PAMR1: variants seen among roughly 807,000 people sequenced by gnomAD.
PAMR1 encodes the protein inactive serine protease PAMR1.
Under a neutral mutation model 81.8 loss-of-function variants are expected in PAMR1, and 88 were observed. That is an observed-to-expected ratio of 1.08 (90% confidence interval 0.91 to 1.28). PAMR1 has a LOEUF of 1.28. PAMR1 is among the 50% of genes most tolerant of loss of function. The probability of loss-of-function intolerance (pLI) is 0.00; values close to 1 mark genes in which losing one functional copy is unlikely to be tolerated. For synonymous variants in PAMR1, 336 were observed against 345.3 expected (o/e 0.97, Z 0.30); for missense variants, 935 against 919.7 (o/e 1.02, Z -0.21).
At chr11:35,502,968 A>G (rs929527509) in intron 1 of PAMR1, among the ~76,000 whole-genome samples, 1 of 148,310 alleles carries the variant, frequency 6.7e-6, no homozygotes, top group Non-Finnish European at 1.5e-5. Flanking sequence ...GTAGCTTCAT[A>G]GTTTCATGTT....
chr11:35,523,055 C>T lies in PAMR1; in HGVS notation c.73+2458G>A, dbSNP rs114017532. ...TTTCCTGTTGGGGATGCCAGGAGCT[C>T]TCAGATTGTATATTAGGGGAACACC... is the stretch of plus-strand genomic sequence containing the variant. On this transcript the variant is annotated intron_variant, in intron 1 of 10. Transcript: ENST00000619888. Among the ~76,000 whole-genome samples, 1,405 of 152,284 alleles carry T rather than the reference C, an allele frequency of 9.2e-3. 21 individuals carry two copies. The highest frequency in any genetic ancestry group is 0.032 in the African/African-American group (1,335 of 41,546).
chr11:35,461,427 T>C (rs1223780889), intron 6 of PAMR1, among the ~76,000 whole-genome samples: 2 of 151,972 alleles, frequency 1.3e-5, no homozygotes, highest in East Asian at 3.9e-4. Flanking sequence ...AATTCCTGAG[T>C]AGCAAAATAC....
At chr11:35,514,385 C>T (rs1038367709) in intron 1 of PAMR1, among the ~76,000 whole-genome samples, 1 of 152,206 alleles carries the variant, frequency 6.6e-6, no homozygotes, top group African/African-American at 2.4e-5. Flanking sequence ...TATATCATGG[C>T]ATTGTGGGCT....
chr11:35,503,089 G>T (rs1452876497), intron 1 of PAMR1, among the ~76,000 whole-genome samples: 2 of 152,142 alleles, frequency 1.3e-5, no homozygotes, highest in East Asian at 3.9e-4. Flanking sequence ...TTATTGAAGA[G>T]ACTGTTCTTT....
chr11:35,507,039 C>CCTTTTTTTT, intron 1 of PAMR1, among the ~76,000 whole-genome samples: 1 of 86,862 alleles, frequency 1.2e-5, no homozygotes, highest in Non-Finnish European at 2.3e-5. Context: ...AATAGCCTGA[C>CCTTTTTTTT]TTTTTTTTTT....
chr11:35,510,213 A>C (rs1239005736), intron 1 of PAMR1, among the ~76,000 whole-genome samples: 2 of 152,168 alleles, frequency 1.3e-5, no homozygotes, highest in Admixed American at 1.3e-4. Flanking sequence ...TCCCTCCCAC[A>C]ATTGCACAGC....
intron 1 of PAMR1, among the ~76,000 whole-genome samples, chr11:35,518,268 A>G (rs1298377033): frequency 1.3e-5 from 2 of 151,968 alleles, no homozygotes; most frequent in African/African-American, 4.8e-5. Flanking sequence ...TGAAAATTAT[A>G]GGAGTAGATG....
At chr11:35,460,685 T>C (rs1224137119) in intron 6 of PAMR1, among the ~76,000 whole-genome samples, 1 of 152,234 alleles carries the variant, frequency 6.6e-6, no homozygotes, top group Admixed American at 6.5e-5. Flanking sequence ...TAGTATTCCA[T>C]GGTGCATATG....
In PAMR1 at chr11:35,434,704, G is replaced by A. The variant is rs372153293; in HGVS notation, c.1434C>T (p.Gly478=). ...IYRRTSGVHD[G]SLHKGAWFLV... is the part of the protein sequence containing the mutation. ...GGAACCACGCTCCCTTGTGTAGGCT[G>A]CCGTCATGCACCCCGCTGGTCCTCC... Residue 478 remains glycine (G), a synonymous_variant, in exon 10 of 11, where the codon GGC becomes GGT. Transcript: ENST00000619888. 1.7e-5 allele frequency: 28 copies of A among 1,614,046 alleles called. No individual in the cohort carries two copies. Among genetic ancestry groups the A allele is most frequent in the Non-Finnish European group, 2.1e-5 (25 of 1,180,032 alleles).
chr11:35,500,738 C>T (rs917671709), intron 1 of PAMR1, among the ~76,000 whole-genome samples: 2 of 152,208 alleles, frequency 1.3e-5, no homozygotes, highest in Non-Finnish European at 2.9e-5. Flanking sequence ...TGTATTTACA[C>T]AAATCTAAGT....
At chr11:35,445,590 T>C (rs1022412526) in intron 6 of PAMR1, among the ~76,000 whole-genome samples, 1 of 140,518 alleles carries the variant, frequency 7.1e-6, no homozygotes, top group Non-Finnish European at 1.6e-5. Context: ...GTCTATTTAA[T>C]CATGTTTTTT....
Position 35,523,865 on chromosome 11 carries a change from CAAAGGTA to C in PAMR1, c.73+1641_73+1647del, listed in dbSNP as rs1255706630. On this transcript the variant is annotated intron_variant, in intron 1 of 10. Coordinates refer to ENST00000619888, the MANE Select transcript of PAMR1 (RefSeq NM_001001991.3). ...ATCCTCTCTGAAGCTTTTTCACAGC[CAAAGGTA>C]AAAGAGGTTCTCGGGTCAGAAATAA... Among the ~76,000 whole-genome samples, 3 of 152,180 alleles carry C rather than the reference CAAAGGTA, an allele frequency of 2.0e-5. No homozygotes were observed. In the East Asian group the frequency reaches 5.8e-4, roughly 29 times the overall value.
At chr11:35,473,453 A>G (rs1180296306) in intron 4 of PAMR1, among the ~76,000 whole-genome samples, 5 of 152,210 alleles carry the variant, frequency 3.3e-5, no homozygotes, top group East Asian at 3.9e-4. Flanking sequence ...AACATGCAGC[A>G]TTTAACACCT....
At chr11:35,453,789 A>T (rs1856470140) in intron 6 of PAMR1, among the ~76,000 whole-genome samples, 1 of 152,184 alleles carries the variant, frequency 6.6e-6, no homozygotes, top group African/African-American at 2.4e-5. Flanking sequence ...AAGCCAAATG[A>T]GAATTTAAAA....
chr11:35,488,365 T>C (rs1000672194), intron 3 of PAMR1, among the ~76,000 whole-genome samples: 6 of 151,982 alleles, frequency 3.9e-5, no homozygotes, highest in African/African-American at 1.5e-4. Flanking sequence ...ACTACAGGCA[T>C]GCACCACCAT....
intron 3 of PAMR1, among the ~76,000 whole-genome samples, chr11:35,484,142 A>G (rs191655968): frequency 6.6e-6 from 1 of 152,326 alleles, no homozygotes; most frequent in Non-Finnish European, 1.5e-5. Context: ...AGCACTTACT[A>G]TATACCAGAC....
At chr11:35,436,409 T>G (rs1205327235) in intron 8 of PAMR1, among the ~76,000 whole-genome samples, 1 of 152,064 alleles carries the variant, frequency 6.6e-6, no homozygotes, top group Non-Finnish European at 1.5e-5. Context: ...CTCAGCCTCC[T>G]GAATAGCTGG....
chr11:35,434,918 G>T, intron 9 of PAMR1, 114 bp from the exon 10 acceptor site: 1 of 935,976 alleles, frequency 1.1e-6, no homozygotes, highest in Non-Finnish European at 1.6e-6. Flanking sequence ...TGGGCATGAT[G>T]ACCACTAAGA....
chr11:35,491,114 A>C (rs886122760), intron 3 of PAMR1, among the ~76,000 whole-genome samples: 3 of 152,212 alleles, frequency 2.0e-5, no homozygotes, highest in African/African-American at 7.2e-5. Context: ...ACCAACACTT[A>C]AAAAGTATCT....
Sources: allele counts gnomAD v4.1 joint callset (sites outside exome capture counted in the v4.1 genomes callset), GRCh38; gene constraint gnomAD v4.1.1; transcripts MANE v1.5; gene names NCBI Gene and HGNC (gene_info 2026-07-23, HGNC 2026-07-21).